The following FTH1 variants were observed in gnomAD, a reference collection of about 807,000 sequenced individuals.
The protein encoded by FTH1 is ferritin heavy chain 1.
A neutral mutation model predicts 21.8 loss-of-function variants in FTH1; 3 were observed. The observed-to-expected ratio is 0.14, with a 90% CI of 0.06 to 0.36. The LOEUF (loss-of-function observed/expected upper bound fraction) is 0.36. Among genes scored for constraint, FTH1 ranks in the 10% least tolerant of loss-of-function variants. The pLI, the probability that FTH1 is intolerant of heterozygous loss-of-function variation, is 1.00. For synonymous variants in FTH1, 83 were observed against 90.1 expected (o/e 0.92, Z 0.45); for missense variants, 147 against 225.8 (o/e 0.65, Z 2.24).
intron 2 of FTH1, 44 bp downstream of exon 2, chr11:61,965,325 C>T: frequency 6.2e-7 from 1 of 1,610,754 alleles, no homozygotes; most frequent in Non-Finnish European, 8.5e-7. Flanking sequence ...TACCCGAACA[C>T]TGCCAGATGA....
Position 61,964,697 on chromosome 11 carries a change from C to A in FTH1, c.*30G>T, listed in dbSNP as rs1411873595. 3.1e-6 allele frequency: 5 copies of A among 1,597,480 alleles called. No individual in the cohort carries two copies. The highest frequency in any genetic ancestry group is 1.7e-5 in the Admixed American group (1 of 60,010). ...CTGCCTTGGTGACCAGGGAAGTCAC[C>A]CCACGGCTATGGGGAAATTAGCCCG... On this transcript the variant is annotated 3_prime_UTR_variant, in exon 4 of 4. Coordinates refer to ENST00000273550, the MANE Select transcript of FTH1 (RefSeq NM_002032.3).
In FTH1 at chr11:61,965,438, C is replaced by G; in HGVS notation, c.192G>C (p.Arg64Ser). Residue 64 changes from arginine to serine, a missense_variant, in exon 2 of 4, where the codon AGG becomes AGC. By Grantham distance (110) the Arg-to-Ser change is moderately radical. Transcript: ENST00000273550. ...GCTTCATCAGTTTCTCAGCATGTTC[C>G]CTCTCCTCATGAGATTGGTGAAGAA... ...KYFLHQSHEE[R>S]EHAEKLMKLQ... 2 of 1,612,970 alleles carry G rather than the reference C, an allele frequency of 1.2e-6. No individual in the cohort carries two copies. Among genetic ancestry groups the G allele is most frequent in the Non-Finnish European group, 1.7e-6 (2 of 1,179,992 alleles).
At chr11:61,965,316 AC>A (rs1942427258) in intron 2 of FTH1, 52 bp downstream of exon 2, 1 of 1,610,632 alleles carries the variant, frequency 6.2e-7, no homozygotes, top group South Asian at 1.1e-5. Context: ...GATTTCTGAT[AC>A]CCGAACACTG....
Position 61,964,719 on chromosome 11 carries a change from C to A in FTH1, c.*8G>T. 2 of 1,597,922 alleles carry A rather than the reference C, an allele frequency of 1.3e-6. No homozygotes were observed. The highest frequency in any genetic ancestry group is 1.7e-6 in the Non-Finnish European group (2 of 1,179,890). On this transcript the variant is annotated 3_prime_UTR_variant, in exon 4 of 4. Coordinates refer to ENST00000273550, the MANE Select transcript of FTH1 (RefSeq NM_002032.3). ...CACCCCACGGCTATGGGGAAATTAG[C>A]CCGAGGCTTAGCTTTCATTATCACT...
chr11:61,965,772 G>A (rs1942441998), intron 1 of FTH1, among the ~76,000 whole-genome samples: 1 of 152,232 alleles, frequency 6.6e-6, no homozygotes, highest in South Asian at 2.1e-4. Context: ...GGATATTATG[G>A]GCATTGCCTG....
rs955373855 is a variant in FTH1, at chr11:61,964,389, T to C, written c.*338A>G. On this transcript the variant is annotated 3_prime_UTR_variant, in exon 4 of 4. Transcript: ENST00000273550. ...ATTCAGAGTCGGGAACCCTTAGTTC[T>C]ATCTGAATCCAAGACAGCCACACCT... 4.4e-6 allele frequency: 3 copies of C among 675,326 alleles called. No individual in the cohort carries two copies. The highest frequency in any genetic ancestry group is 7.4e-6 in the Non-Finnish European group (3 of 407,836). The allele number at this position is 675,326 out of a possible 1,614,324, so 41.8% of individuals were successfully genotyped here.
At position 61,964,868 on chromosome 11, in the gene FTH1, A is replaced by G. The variant is rs763591193; in HGVS notation, c.411T>C (p.His137=). ...TGGCTTTCACCTGCTCATTCAGGTA[A>G]TGTGTCTCAATGAAGTCACACAACT... The part of the protein sequence containing the change: ...DPHLCDFIET[H]YLNEQVKAIK... Residue 137 remains histidine (H), a synonymous_variant, in exon 4 of 4, where the codon CAT becomes CAC. Coordinates refer to ENST00000273550, the MANE Select transcript of FTH1 (RefSeq NM_002032.3). 3 of 1,605,366 alleles carry G rather than the reference A, an allele frequency of 1.9e-6. No individual in the cohort carries two copies. The highest frequency in any genetic ancestry group is 2.5e-6 in the Non-Finnish European group (3 of 1,179,992).
chr11:61,964,938 C>G (rs771129386), intron 3 of FTH1, 47 bp from the exon 4 acceptor site: 1 of 1,613,802 alleles, frequency 6.2e-7, no homozygotes, highest in Non-Finnish European at 8.5e-7. Flanking sequence ...TTCCCAATCC[C>G]TAAGGCAAAT....
Position 61,964,880 on chromosome 11 carries a change from G to A in FTH1, c.399C>T (p.Phe133=), listed in dbSNP as rs140262296. 5.0e-6 allele frequency: 8 copies of A among 1,607,598 alleles called. No individual in the cohort carries two copies. The highest frequency in any genetic ancestry group is 1.1e-5 in the South Asian group (1 of 91,082). The change falls in exon 4 of 4, where the codon TTC becomes TTT. Residue 133 remains phenylalanine (F), a synonymous_variant. Coordinates refer to ENST00000273550, the MANE Select transcript of FTH1 (RefSeq NM_002032.3). Reference sequence around the variant, plus strand: ...GCTCATTCAGGTAATGTGTCTCAATGAAGTCACACAACTGCAAAACAATGG... The same window carrying A: ...GCTCATTCAGGTAATGTGTCTCAATAAAGTCACACAACTGCAAAACAATGG... ...TDKNDPHLCD[F]IETHYLNEQV...
chr11:61,965,877 T>C (rs76059597), intron 1 of FTH1, among the ~76,000 whole-genome samples: 3,767 of 152,306 alleles, frequency 0.025, 73 homozygotes, highest in Non-Finnish European at 0.04. Context: ...GTACTGACCC[T>C]GCACTTAGTC....
intron 1 of FTH1, among the ~76,000 whole-genome samples, chr11:61,966,250 G>C (rs1335961611): frequency 1.3e-5 from 2 of 152,132 alleles, no homozygotes; most frequent in African/African-American, 4.8e-5. Flanking sequence ...CTCCAGCCTG[G>C]GCGACAGAGC....
In FTH1 at chr11:61,965,518, G is replaced by A; in HGVS notation, c.115-3C>T. ...TCATCGCGGTCAAAGTAGTAAGACT[G>A]AAAGGGGAACACTGAATGTGTTATA... On this transcript the variant is annotated splice_polypyrimidine_tract_variant and splice_region_variant and intron_variant, in intron 1 of 3. Transcript: ENST00000273550. 1 of 1,600,512 alleles carries A rather than the reference G, an allele frequency of 6.2e-7. No homozygotes were observed.
intron 1 of FTH1, among the ~76,000 whole-genome samples, chr11:61,966,065 C>T (rs1042966429): frequency 6.6e-6 from 1 of 152,092 alleles, no homozygotes; most frequent in Non-Finnish European, 1.5e-5. Flanking sequence ...ACGAGGTCAG[C>T]AGATCGAGAC....
At chr11:61,966,625 G>C (rs879739838) in intron 1 of FTH1, among the ~76,000 whole-genome samples, 2 of 152,112 alleles carry the variant, frequency 1.3e-5, no homozygotes, top group Admixed American at 1.3e-4. Flanking sequence ...AGAACTGGGG[G>C]TTCAATTAGT....
In FTH1 at chr11:61,965,471, G is replaced by A. The variant is rs750410698; in HGVS notation, c.159C>T (p.Ala53=). 1.2e-6 allele frequency: 2 copies of A among 1,607,890 alleles called. No homozygotes were observed. The highest frequency in any genetic ancestry group is 2.2e-5 in the South Asian group (2 of 91,084). ...DRDDVALKNF[A]KYFLHQSHEE... ...CATGAGATTGGTGAAGAAAGTATTT[G>A]GCAAAGTTCTTCAAAGCCACATCAT... The change falls in exon 2 of 4, where the codon GCC becomes GCT. Residue 53 remains alanine (A), a synonymous_variant. Transcript: ENST00000273550.
chr11:61,965,937 C>A (rs911413708), intron 1 of FTH1, among the ~76,000 whole-genome samples: 3 of 152,098 alleles, frequency 2.0e-5, no homozygotes. Context: ...ATGGTTAAAA[C>A]TGAGCTCAGG....
chr11:61,966,488 T>C (rs994925948), intron 1 of FTH1, among the ~76,000 whole-genome samples: 1 of 152,334 alleles, frequency 6.6e-6, no homozygotes, highest in Admixed American at 6.5e-5. Flanking sequence ...TTGGGATAGT[T>C]TGGACAATCA....
chr11:61,967,260 C>T, intron 1 of FTH1, 52 bp downstream of exon 1: 3 of 1,248,450 alleles, frequency 2.4e-6, no homozygotes, highest in South Asian at 1.4e-5. Flanking sequence ...CCAGCGCGCG[C>T]CCCGGGAACC....
At chr11:61,966,949 T>C (rs368726945) in intron 1 of FTH1, 1 of 165,158 alleles carries the variant, frequency 6.1e-6, no homozygotes, top group Non-Finnish European at 1.3e-5. Context: ...TAGGGCCAAA[T>C]GCCGGAGGCA....
Sources: gnomAD v4.1 joint callset for allele counts (sites outside exome capture counted in the v4.1 genomes callset) on GRCh38, gnomAD v4.1.1 for gene constraint, MANE v1.5 for transcripts, NCBI Gene and HGNC (gene_info 2026-07-23, HGNC 2026-07-21) for gene names.